The following KIAA1217 variants were observed in gnomAD, a reference collection of about 807,000 sequenced individuals.
The protein encoded by KIAA1217 is KIAA1217.
Under a neutral mutation model 163.9 loss-of-function variants are expected in KIAA1217, and 88 were observed. The observed-to-expected ratio is 0.54, with a 90% CI of 0.45 to 0.64. The LOEUF is 0.64. KIAA1217 is among the 30% of genes least tolerant of loss of function. The probability of loss-of-function intolerance (pLI) is 0.00; values close to 1 mark genes in which losing one functional copy is unlikely to be tolerated. For missense variants in KIAA1217, 2,372 were observed against 2,475.0 expected (o/e 0.96, Z 0.88); for synonymous variants, 903 against 923.1 (o/e 0.98, Z 0.39).
chr10:23,818,014 C>CATAT (rs1166196227), intron 1 of KIAA1217, among the ~76,000 whole-genome samples: 4 of 107,418 alleles, frequency 3.7e-5, no homozygotes, highest in African/African-American at 1.6e-4. Context: ...TATATACACA[C>CATAT]ATATATATAC....
chr10:24,470,564 T>G (rs2063400336), intron 5 of KIAA1217, among the ~76,000 whole-genome samples: 1 of 152,062 alleles, frequency 6.6e-6, no homozygotes, highest in African/African-American at 2.4e-5. Flanking sequence ...AAGTTAGGTT[T>G]AGAGAAGGGA....
chr10:24,469,713 G>A (rs937456438), intron 5 of KIAA1217, among the ~76,000 whole-genome samples: 13 of 152,160 alleles, frequency 8.5e-5, no homozygotes, highest in African/African-American at 3.1e-4. Flanking sequence ...CCGGGTTCAA[G>A]CAATTCTCCT....
chr10:24,091,886 G>T (rs1381597154), intron 2 of KIAA1217, among the ~76,000 whole-genome samples: 1 of 151,736 alleles, frequency 6.6e-6, no homozygotes, highest in Non-Finnish European at 1.5e-5. Flanking sequence ...TTGCAGGCAT[G>T]TAGTTTGAAA....
intron 2 of KIAA1217, among the ~76,000 whole-genome samples, chr10:24,069,473 GC>G (rs988717212): frequency 2.0e-5 from 3 of 152,202 alleles, no homozygotes; most frequent in African/African-American, 7.2e-5. Flanking sequence ...TGGAATAGAA[GC>G]TTTTCCTTTG....
intron 1 of KIAA1217, among the ~76,000 whole-genome samples, chr10:23,825,015 TCTG>T (rs1164966727): frequency 6.6e-5 from 10 of 152,162 alleles, no homozygotes; most frequent in Non-Finnish European, 5.9e-5. Flanking sequence ...ATCGGGAACA[TCTG>T]CTCCACATGG....
intron 3 of KIAA1217, among the ~76,000 whole-genome samples, chr10:24,406,420 CCAT>C (rs2057228628): frequency 6.6e-6 from 1 of 151,438 alleles, no homozygotes; most frequent in African/African-American, 2.4e-5. Flanking sequence ...CACACACACA[CCAT>C]ACAGGATGAA....
chr10:24,343,553 C>A (rs964214102), intron 2 of KIAA1217, among the ~76,000 whole-genome samples: 11 of 152,136 alleles, frequency 7.2e-5, no homozygotes, highest in Middle Eastern at 6.3e-3. Context: ...TTAAAGTTTG[C>A]ATGTATTTTT....
intron 1 of KIAA1217, among the ~76,000 whole-genome samples, chr10:23,839,959 C>T (rs1336547423): frequency 6.6e-6 from 1 of 152,080 alleles, no homozygotes; most frequent in African/African-American, 2.4e-5. Flanking sequence ...GGGGCCCCAG[C>T]TGCTGCAGAA....
intron 2 of KIAA1217, among the ~76,000 whole-genome samples, chr10:24,187,005 G>C (rs1371481694): frequency 6.6e-6 from 1 of 151,824 alleles, no homozygotes; most frequent in African/African-American, 2.4e-5. Context: ...TATGTTTTTC[G>C]GCATCATCTC....
chr10:24,341,766 A>G (rs1476894309), intron 2 of KIAA1217, among the ~76,000 whole-genome samples: 1 of 152,200 alleles, frequency 6.6e-6, no homozygotes, highest in African/African-American at 2.4e-5. Flanking sequence ...TAATAGCCTT[A>G]GACAAGCCAT....
At chr10:23,973,207 C>T (rs1419133862) in intron 1 of KIAA1217, among the ~76,000 whole-genome samples, 3 of 151,878 alleles carry the variant, frequency 2.0e-5, no homozygotes, top group Non-Finnish European at 4.4e-5. Context: ...TATGTAGATG[C>T]AGAGAATTAA....
intron 1 of KIAA1217, among the ~76,000 whole-genome samples, chr10:23,956,812 G>A (rs150146509): frequency 1.3e-5 from 2 of 152,176 alleles, no homozygotes; most frequent in East Asian, 3.9e-4. Flanking sequence ...TAAACAACCA[G>A]CTCTCCCATG....
chr10:24,187,384 T>C (rs2066488171), intron 2 of KIAA1217, among the ~76,000 whole-genome samples: 1 of 152,166 alleles, frequency 6.6e-6, no homozygotes, highest in Admixed American at 6.5e-5. Flanking sequence ...GTTCAGAGGG[T>C]CCGGCTTCCA....
At chr10:23,970,875 CT>C (rs1419427746) in intron 1 of KIAA1217, among the ~76,000 whole-genome samples, 2 of 152,182 alleles carry the variant, frequency 1.3e-5, no homozygotes, top group Non-Finnish European at 2.9e-5. Context: ...CAGTTCTTGC[CT>C]CCTCAGGAGA....
chr10:24,414,249 GA>G lies in KIAA1217; in HGVS notation c.554-18745del, dbSNP rs544071814. ...GAATTATCTTGTCCTGTGGAAAGGG[GA>G]CACAGACTATTATCCTCCCTTTTGT... On this transcript the variant is annotated intron_variant, in intron 3 of 20. Transcript: ENST00000376454. Among the ~76,000 whole-genome samples, 468 of 152,270 alleles carry G rather than the reference GA, an allele frequency of 3.1e-3. 1 individual carries two copies. The highest frequency in any genetic ancestry group is 7.9e-3 in the South Asian group (38 of 4,824).
rs1156838935 is a variant in KIAA1217 at position 23,965,297 on chromosome 10, G to A, written c.-320-41928G>A. ...GTTCTCTGGGAAAGCGTGACCTGCA[G>A]ATCCCAAGGGCTCATAACCAACTGT... On this transcript the variant is annotated intron_variant, in intron 1 of 18. Transcript: ENST00000376462. 3.9e-5 allele frequency among the ~76,000 whole-genome samples: 6 copies of A among 152,244 alleles called. No homozygotes were observed. In the South Asian group the frequency reaches 1.2e-3, roughly 31 times the overall value.
At chr10:24,237,584 T>G (rs1375548853) in intron 2 of KIAA1217, among the ~76,000 whole-genome samples, 1 of 152,204 alleles carries the variant, frequency 6.6e-6, no homozygotes, top group Non-Finnish European at 1.5e-5. Context: ...TGAATCAACT[T>G]GCACTTGCTC....
chr10:23,806,074 G>A (rs764478185), intron 1 of KIAA1217, among the ~76,000 whole-genome samples: 13 of 139,186 alleles, frequency 9.3e-5, no homozygotes, highest in Non-Finnish European at 1.7e-4. Flanking sequence ...GTCATCAAAT[G>A]ATAAAATTTT....
chr10:24,442,772 T>C (rs973477606), intron 5 of KIAA1217, among the ~76,000 whole-genome samples: 2 of 152,164 alleles, frequency 1.3e-5, no homozygotes, highest in African/African-American at 4.8e-5. Flanking sequence ...ACCTTTATTC[T>C]TCCATGCATC....
Sources: allele counts gnomAD v4.1 joint callset (sites outside exome capture counted in the v4.1 genomes callset), GRCh38; gene constraint gnomAD v4.1.1; transcripts MANE v1.5; gene names NCBI Gene and HGNC (gene_info 2026-07-23, HGNC 2026-07-21).